Variants in CNTNAP5 observed in about 807,000 individuals in gnomAD.
CNTNAP5 encodes the protein contactin associated protein family member 5, also known as contactin-associated protein-like 5.
CNTNAP5 carries 72 observed loss-of-function variants against 150.2 expected under a neutral mutation model. That is an observed-to-expected ratio of 0.48 (90% CI 0.40 to 0.58). The LOEUF is 0.58. CNTNAP5 is among the 20% of genes least tolerant of loss of function. CNTNAP5 has a pLI of 0.00. For synonymous variants in CNTNAP5, 672 were observed against 619.8 expected (o/e 1.08, Z -1.25); for missense variants, 1,636 against 1,626.2 (o/e 1.01, Z -0.10).
At position 124,914,567 on chromosome 2, in the gene CNTNAP5, A is replaced by G. The variant is rs114251543; in HGVS notation, c.*279A>G. On this transcript the variant is annotated 3_prime_UTR_variant, in exon 24 of 24. Transcript: ENST00000682447. Reference sequence around the variant, plus strand: ...AGACAAGGAAGAGACACATGTGTGCACTCCTGCATGTTCAGTTCTGTACTT... The same window carrying G: ...AGACAAGGAAGAGACACATGTGTGCGCTCCTGCATGTTCAGTTCTGTACTT... 1 of 354,574 alleles carries G rather than the reference A, an allele frequency of 2.8e-6. No homozygotes were observed. Among genetic ancestry groups the G allele is most frequent in the African/African-American group, 2.1e-5 (1 of 47,838 alleles). 22.0% of individuals were successfully genotyped at this position (354,574 alleles called of 1,614,324 possible). A position where few individuals can be genotyped will look rare whatever the true frequency, so the allele number is the denominator to read the frequency against.
chr2:124,619,708 C>T (rs1427193487), intron 12 of CNTNAP5, among the ~76,000 whole-genome samples: 1 of 151,590 alleles, frequency 6.6e-6, no homozygotes, highest in Non-Finnish European at 1.5e-5. Context: ...ATTCTGAAAG[C>T]AGATGTCTCT....
intron 2 of CNTNAP5, among the ~76,000 whole-genome samples, chr2:124,235,356 G>A (rs1183458422): frequency 6.6e-6 from 1 of 151,946 alleles, no homozygotes. Context: ...AGAGGATCTG[G>A]ATAGAGACCT....
At chr2:124,749,257 A>T (rs561980834) in intron 14 of CNTNAP5, among the ~76,000 whole-genome samples, 1 of 152,194 alleles carries the variant, frequency 6.6e-6, no homozygotes, top group African/African-American at 2.4e-5. Context: ...CACTATGTGT[A>T]TAGTCAAAGA....
chr2:124,183,183 T>C (rs1338100123), intron 1 of CNTNAP5, among the ~76,000 whole-genome samples: 1 of 152,188 alleles, frequency 6.6e-6, no homozygotes, highest in Non-Finnish European at 1.5e-5. Flanking sequence ...CTATAGTGAC[T>C]GGCATTTAAT....
At chr2:124,794,374 G>T (rs1366761612) in intron 18 of CNTNAP5, among the ~76,000 whole-genome samples, 3 of 152,100 alleles carry the variant, frequency 2.0e-5, no homozygotes, top group Non-Finnish European at 4.4e-5. Flanking sequence ...TTTAACATTC[G>T]ATGAGCACTC....
chr2:124,912,812 C>T (rs1236227198), intron 23 of CNTNAP5, among the ~76,000 whole-genome samples: 2 of 152,032 alleles, frequency 1.3e-5, no homozygotes, highest in East Asian at 1.9e-4. Flanking sequence ...GCTTGCACAG[C>T]TGCTGACTCT....
intron 3 of CNTNAP5, among the ~76,000 whole-genome samples, chr2:124,341,710 A>G (rs1181947121): frequency 1.3e-5 from 2 of 152,202 alleles, no homozygotes; most frequent in Non-Finnish European, 2.9e-5. Flanking sequence ...TCTGGAGGGC[A>G]GTCAGTTGAG....
At chr2:124,858,717 A>G (rs902073441) in intron 19 of CNTNAP5, among the ~76,000 whole-genome samples, 10 of 152,224 alleles carry the variant, frequency 6.6e-5, no homozygotes, top group African/African-American at 2.4e-4. Context: ...CACAAAAAAT[A>G]AAAAGAAACT....
chr2:124,033,512 G>A (rs560431297), intron 1 of CNTNAP5, among the ~76,000 whole-genome samples: 2 of 152,186 alleles, frequency 1.3e-5, no homozygotes, highest in South Asian at 2.1e-4. Flanking sequence ...TGACCATGTG[G>A]TTTGTGTATT....
intron 17 of CNTNAP5, among the ~76,000 whole-genome samples, chr2:124,787,719 A>G (rs1681630218): frequency 6.6e-6 from 1 of 151,628 alleles, no homozygotes; most frequent in Non-Finnish European, 1.5e-5. Context: ...CCATTGGGCC[A>G]GTCTGACTAA....
At chr2:124,183,382 A>G (rs1370932549) in intron 1 of CNTNAP5, among the ~76,000 whole-genome samples, 13 of 152,218 alleles carry the variant, frequency 8.5e-5, no homozygotes, top group African/African-American at 3.1e-4. Flanking sequence ...CATCTTAACT[A>G]TTTTTGATAA....
At chr2:124,899,698 C>T (rs1678376979) in intron 21 of CNTNAP5, among the ~76,000 whole-genome samples, 1 of 151,274 alleles carries the variant, frequency 6.6e-6, no homozygotes. Flanking sequence ...CCCATTTTGT[C>T]AGCTTTTGAG....
chr2:124,459,973 T>C (rs1693209537), intron 6 of CNTNAP5, among the ~76,000 whole-genome samples: 3 of 152,168 alleles, frequency 2.0e-5, no homozygotes, highest in Non-Finnish European at 4.4e-5. Flanking sequence ...GGTCAGGCTT[T>C]GGTCTTAGGC....
rs144847664 is a variant in CNTNAP5, at chr2:124,274,527, G to C, written c.381+32134G>C. Among the ~76,000 whole-genome samples, 514 of 152,190 alleles carry C rather than the reference G, an allele frequency of 3.4e-3. 1 individual carries two copies. The highest frequency in any genetic ancestry group is 0.012 in the African/African-American group (488 of 41,520). On this transcript the variant is annotated intron_variant, in intron 3 of 23. Coordinates refer to ENST00000682447, the MANE Select transcript of CNTNAP5 (RefSeq NM_001367498.1). Reference sequence around the variant, plus strand: ...TTCCGCTGGCCAGGGAATGGAGAAGGCACTCTCTTGCTCTAAATGCACCTC... The same window carrying C: ...TTCCGCTGGCCAGGGAATGGAGAAGCCACTCTCTTGCTCTAAATGCACCTC...
intron 1 of CNTNAP5, among the ~76,000 whole-genome samples, chr2:124,039,997 A>G (rs1681323552): frequency 6.6e-6 from 1 of 152,170 alleles, no homozygotes; most frequent in South Asian, 2.1e-4. Flanking sequence ...CCCAAGGTCA[A>G]TATTGACTTA....
intron 17 of CNTNAP5, among the ~76,000 whole-genome samples, chr2:124,787,314 TAATG>T (rs1473878977): frequency 1.3e-5 from 2 of 152,178 alleles, no homozygotes; most frequent in African/African-American, 4.8e-5. Flanking sequence ...AGGAAAGAAA[TAATG>T]AACCTTCCTC....
At chr2:124,464,208 A>G (rs1452623507) in intron 6 of CNTNAP5, among the ~76,000 whole-genome samples, 1 of 152,130 alleles carries the variant, frequency 6.6e-6, no homozygotes, top group Admixed American at 6.6e-5. Flanking sequence ...GCACTGGGGC[A>G]GGATGTCAGG....
intron 3 of CNTNAP5, among the ~76,000 whole-genome samples, chr2:124,394,086 A>C (rs1185788350): frequency 6.6e-6 from 1 of 152,108 alleles, no homozygotes; most frequent in Non-Finnish European, 1.5e-5. Context: ...ATAAAAGGTG[A>C]ATAAGCTGGG....
intron 5 of CNTNAP5, among the ~76,000 whole-genome samples, chr2:124,441,856 C>CATAT (rs144122316): frequency 7.4e-4 from 108 of 145,462 alleles, no homozygotes; most frequent in African/African-American, 1.4e-3. Context: ...TATCTTTGGG[C>CATAT]ATATATATAT....
Sources: allele counts gnomAD v4.1 joint callset (sites outside exome capture counted in the v4.1 genomes callset), GRCh38; gene constraint gnomAD v4.1.1; transcripts MANE v1.5; gene names NCBI Gene and HGNC (gene_info 2026-07-23, HGNC 2026-07-21).